The following ANXA8 variants were observed in gnomAD, a reference collection of about 807,000 sequenced individuals.
ANXA8 encodes annexin A8.
ANXA8 carries 9 observed loss-of-function variants against 26.8 expected under a neutral mutation model. The ratio of observed to expected loss-of-function variants is 0.34; its 90% CI spans 0.20 to 0.59. ANXA8 has a LOEUF of 0.59. Among genes scored for constraint, ANXA8 ranks in the 20% least tolerant of loss-of-function variants. The pLI is 0.84. For missense variants in ANXA8, 83 were observed against 238.5 expected, an observed-to-expected ratio of 0.35 and a Z score of 4.29; for synonymous variants, 39 against 94.8, an observed-to-expected ratio of 0.41 and a Z score of 3.42.
the ANXA8 span, among the ~76,000 whole-genome samples, chr10:47,683,322 T>A: frequency 2.5e-4 from 37 of 145,756 alleles, no homozygotes; most frequent in Non-Finnish European, 5.2e-4. Flanking sequence ...TCCGCCTCCC[T>A]GGTTCACGCC....
At chr10:47,559,711 A>T in the ANXA8 span, among the ~76,000 whole-genome samples, 1 of 151,100 alleles carries the variant, frequency 6.6e-6, no homozygotes, top group East Asian at 2.0e-4. Context: ...AAACGTGTGT[A>T]TCACTGGTTA....
chr10:47,956,880 T>C, the ANXA8 span, among the ~76,000 whole-genome samples: 47 of 150,172 alleles, frequency 3.1e-4, no homozygotes, highest in Non-Finnish European at 5.7e-4. Context: ...CTGGGCACCA[T>C]CCACAAACGC....
At chr10:47,689,077 C>T in the ANXA8 span, among the ~76,000 whole-genome samples, 1 of 130,822 alleles carries the variant, frequency 7.6e-6, no homozygotes, top group Admixed American at 7.5e-5. Flanking sequence ...GGCAACACTG[C>T]AGTCCAGCCT....
the ANXA8 span, among the ~76,000 whole-genome samples, chr10:47,737,194 C>G: frequency 1.3e-5 from 2 of 150,034 alleles, no homozygotes; most frequent in Non-Finnish European, 3.0e-5. Context: ...GTGGATCAAC[C>G]CATCAATCTT....
At chr10:47,591,513 A>G in the ANXA8 span, among the ~76,000 whole-genome samples, 3 of 125,410 alleles carry the variant, frequency 2.4e-5, 1 homozygote, top group African/African-American at 1.1e-4. Context: ...GCATGATCTC[A>G]GCTCACTGCA....
the ANXA8 span, among the ~76,000 whole-genome samples, chr10:47,650,806 C>CAA: frequency 1.6e-4 from 18 of 111,482 alleles, no homozygotes; most frequent in South Asian, 1.5e-3. Context: ...GACTCCGTCT[C>CAA]AAAAAAAAAA....
At chr10:47,567,042 C>T in the ANXA8 span, among the ~76,000 whole-genome samples, 1 of 145,362 alleles carries the variant, frequency 6.9e-6, no homozygotes, top group East Asian at 2.0e-4. Flanking sequence ...CTAGCAAGGC[C>T]CCAGGCAGGA....
At chr10:47,726,573 A>G in the ANXA8 span, among the ~76,000 whole-genome samples, 4 of 152,270 alleles carry the variant, frequency 2.6e-5, no homozygotes, top group Admixed American at 1.3e-4. Flanking sequence ...AATAATTTAT[A>G]AAACAGTTTA....
chr10:47,656,737 G>T, the ANXA8 span, among the ~76,000 whole-genome samples: 2 of 138,120 alleles, frequency 1.4e-5, no homozygotes, highest in Non-Finnish European at 3.1e-5. Context: ...AAGTCACACG[G>T]CTAAGCTGGA....
the ANXA8 span, among the ~76,000 whole-genome samples, chr10:47,591,737 T>G: frequency 1.6e-5 from 2 of 126,990 alleles, no homozygotes; most frequent in Non-Finnish European, 3.2e-5. Context: ...TAAGCTACCG[T>G]GCCCAGCCAA....
chr10:47,702,720 G>A, the ANXA8 span, among the ~76,000 whole-genome samples: 21 of 151,722 alleles, frequency 1.4e-4, no homozygotes, highest in South Asian at 4.2e-4. Context: ...TCCAACTTCC[G>A]CCTCCTGGGC....
the ANXA8 span, among the ~76,000 whole-genome samples, chr10:47,679,915 C>G: frequency 9.9e-5 from 15 of 151,992 alleles, no homozygotes; most frequent in East Asian, 2.1e-3. Context: ...AAGATCCTTT[C>G]TCAATAATAA....
chr10:47,960,023 C>T, the ANXA8 span, among the ~76,000 whole-genome samples: 4 of 147,922 alleles, frequency 2.7e-5, no homozygotes, highest in African/African-American at 7.7e-5. Context: ...CCAGCCCTGT[C>T]GGGCCTTTGG....
chr10:47,670,547 T>C, the ANXA8 span, among the ~76,000 whole-genome samples: 1 of 152,058 alleles, frequency 6.6e-6, no homozygotes, highest in African/African-American at 2.4e-5. Flanking sequence ...AAACTTTTTA[T>C]TATAGTCATT....
the ANXA8 span, among the ~76,000 whole-genome samples, chr10:47,660,494 A>G: frequency 2.5e-3 from 376 of 151,438 alleles, 4 homozygotes; most frequent in Middle Eastern, 0.027. Flanking sequence ...TCTGCCTCCT[A>G]GGTTCAAGCG....
chr10:47,733,211 T>TTCTCTCTCTCTCTCTC, the ANXA8 span, among the ~76,000 whole-genome samples: 8 of 82,340 alleles, frequency 9.7e-5, no homozygotes, highest in Admixed American at 1.3e-4. Context: ...CTTTCTTTCT[T>TTCTCTCTCTCTCTCTC]TCTTTCTTTC....
the ANXA8 span, among the ~76,000 whole-genome samples, chr10:47,747,167 C>T: frequency 6.6e-6 from 1 of 151,316 alleles, no homozygotes; most frequent in African/African-American, 2.4e-5. Flanking sequence ...AGAGGCCGAG[C>T]ATTTGGGCAG....
chr10:47,503,286 G>A, the ANXA8 span: 1 of 1,580,964 alleles, frequency 6.3e-7, no homozygotes, highest in Non-Finnish European at 8.6e-7. Flanking sequence ...TAATGGGGAT[G>A]GCTCTGCCGC....
At chr10:47,571,433 C>A in the ANXA8 span, among the ~76,000 whole-genome samples, 3 of 149,664 alleles carry the variant, frequency 2.0e-5, no homozygotes, top group African/African-American at 7.5e-5. Context: ...TCTCGGCAAA[C>A]CTTCAAATTC....
Sources: gnomAD v4.1 joint callset for allele counts (sites outside exome capture counted in the v4.1 genomes callset) on GRCh38, gnomAD v4.1.1 for gene constraint, MANE v1.5 for transcripts, NCBI Gene and HGNC (gene_info 2026-07-23, HGNC 2026-07-21) for gene names.